The following POGZ variants were observed in gnomAD, a reference collection of about 807,000 sequenced individuals.
The protein encoded by POGZ is pogo transposable element derived with ZNF domain.
A neutral mutation model predicts 134.6 loss-of-function variants in POGZ; 17 were observed. The ratio of observed to expected loss-of-function variants is 0.13; its 90% CI spans 0.09 to 0.19. The LOEUF is 0.19. Among genes scored for constraint, POGZ ranks in the 10% least tolerant of loss-of-function variants. The probability of loss-of-function intolerance (pLI) is 1.00; values close to 1 mark genes in which losing one functional copy is unlikely to be tolerated. For synonymous variants in POGZ, 693 were observed against 657.1 expected (o/e 1.05, Z -0.84); for missense variants, 1,306 against 1,769.7 (o/e 0.74, Z 4.70).
chr1:151,431,834 A>G (rs1394252682), intron 3 of POGZ, among the ~76,000 whole-genome samples: 4 of 152,184 alleles, frequency 2.6e-5, no homozygotes, highest in Non-Finnish European at 4.4e-5. Context: ...GTATACTCAA[A>G]ACCAGATAGA....
Position 151,402,778 on chromosome 1 carries a change from A to G in POGZ, c.*2024T>C, listed in dbSNP as rs1652958771. ...AAACTGAATTATAAAAAACAAAACC[A>G]AAAAAAAATTTCCTTCTACTACTAA... On this transcript the variant is annotated 3_prime_UTR_variant, in exon 19 of 19. Transcript: ENST00000271715. 6.6e-6 allele frequency: 1 copy of G among 151,518 alleles called. No homozygotes were observed. The highest frequency in any genetic ancestry group is 1.5e-5 in the Non-Finnish European group (1 of 67,936). 9.4% of individuals were successfully genotyped at this position (151,518 alleles called of 1,614,324 possible).
At chr1:151,458,458 T>G (rs1663038089) in intron 1 of POGZ, among the ~76,000 whole-genome samples, 1 of 151,958 alleles carries the variant, frequency 6.6e-6, no homozygotes, top group African/African-American at 2.4e-5. Context: ...GATGTACTAT[T>G]AGACCAAGCA....
chr1:151,402,726 C>G lies in POGZ; in HGVS notation c.*2076G>C, dbSNP rs1479807919. The G allele has an allele frequency of 1.3e-5, 2 of 152,136 alleles. No homozygotes were observed. The highest frequency in any genetic ancestry group is 2.4e-5 in the African/African-American group (1 of 41,428). 9.4% of individuals were successfully genotyped at this position (152,136 alleles called of 1,614,324 possible). ...ACACATTCAGTCTCAACACAGGAAA[C>G]AGTCAATAAATACATGTTTATTGAT... On this transcript the variant is annotated 3_prime_UTR_variant, in exon 19 of 19. Coordinates refer to ENST00000271715, the MANE Select transcript of POGZ (RefSeq NM_015100.4).
rs900999005 is a variant in POGZ at position 151,404,670 on chromosome 1, G to A, written c.*132C>T. 9.9e-6 allele frequency: 14 copies of A among 1,412,684 alleles called. No individual in the cohort carries two copies. Among genetic ancestry groups the A allele is most frequent in the Admixed American group, 3.1e-5 (1 of 32,694 alleles). The allele number at this position is 1,412,684 out of a possible 1,614,324, so 87.5% of individuals were successfully genotyped here. On this transcript the variant is annotated 3_prime_UTR_variant, in exon 19 of 19. Coordinates refer to ENST00000271715, the MANE Select transcript of POGZ (RefSeq NM_015100.4). ...ACAGGGAAGTGTAAGTCAACTTCAG[G>A]GGGGAGTGGTGGTATAAAATTAAAA...
chr1:151,403,414 T>C lies in POGZ; in HGVS notation c.*1388A>G. ...TTATGTACATTTTAAAGACGAACCA[T>C]TTACAAGCTTGTGCAGTTTGCCTCC... is the stretch of plus-strand genomic sequence containing the variant. On this transcript the variant is annotated 3_prime_UTR_variant, in exon 19 of 19. Coordinates refer to ENST00000271715, the MANE Select transcript of POGZ (RefSeq NM_015100.4). The C allele has an allele frequency of 1.0e-6, 1 of 985,376 alleles. No homozygotes were observed. The highest frequency in any genetic ancestry group is 1.7e-5 in the African/African-American group (1 of 57,332). The allele number at this position is 985,376 out of a possible 1,614,324, so 61.0% of individuals were successfully genotyped here.
Position 151,406,920 on chromosome 1 carries a change from G to A in POGZ, c.2536C>T (p.Leu846=). 1.2e-6 allele frequency: 2 copies of A among 1,612,214 alleles called. No individual in the cohort carries two copies. Among genetic ancestry groups the A allele is most frequent in the South Asian group, 2.2e-5 (2 of 91,044 alleles). Reference sequence around the variant, plus strand: ...CTTCTCTCCTACTTACCCCGTGGCAGGATGCTGCTGGATCTGTGAGAGGGG... The same window carrying A: ...CTTCTCTCCTACTTACCCCGTGGCAAGATGCTGCTGGATCTGTGAGAGGGG... ...FNPSHRSSSI[L]PRGLTWIAHS... The change falls in exon 17 of 19, where the codon CTG becomes TTG. Residue 846 remains leucine, a synonymous_variant. Transcript: ENST00000271715.
intron 1 of POGZ, among the ~76,000 whole-genome samples, chr1:151,453,223 T>G (rs1405655671): frequency 6.6e-6 from 1 of 151,904 alleles, no homozygotes. Context: ...CCCAGCCTCT[T>G]TCTCCCTTTT....
At chr1:151,412,701 T>C (rs1042350109) in intron 10 of POGZ, among the ~76,000 whole-genome samples, 2 of 152,182 alleles carry the variant, frequency 1.3e-5, no homozygotes, top group Admixed American at 1.3e-4. Context: ...ACTGTTTCCC[T>C]TTTTCCTTTC....
chr1:151,441,552 A>G (rs543131146), intron 2 of POGZ, among the ~76,000 whole-genome samples: 1 of 152,194 alleles, frequency 6.6e-6, no homozygotes, highest in Non-Finnish European at 1.5e-5. Flanking sequence ...ACTACCACCC[A>G]TTTTCTGAAT....
At chr1:151,427,718 A>G in intron 7 of POGZ, 105 bp downstream of exon 7, 6 of 780,330 alleles carry the variant, frequency 7.7e-6, no homozygotes, top group Non-Finnish European at 1.0e-5. Flanking sequence ...CAGCAGCTGT[A>G]TTTTATTTTA....
intron 10 of POGZ, among the ~76,000 whole-genome samples, chr1:151,414,991 T>A (rs1342329516): frequency 6.6e-6 from 1 of 152,124 alleles, no homozygotes; most frequent in Admixed American, 6.5e-5. Flanking sequence ...ACCATCACCC[T>A]CCTTAACACC....
intron 1 of POGZ, among the ~76,000 whole-genome samples, chr1:151,452,674 G>A (rs1359048984): frequency 6.6e-6 from 1 of 151,926 alleles, no homozygotes. Context: ...GACCAGCCTG[G>A]CCAACACAGT....
At chr1:151,424,548 C>A (rs1222919852) in intron 8 of POGZ, 1 of 354,824 alleles carries the variant, frequency 2.8e-6, no homozygotes, top group Non-Finnish European at 5.0e-6. Context: ...GCTCTGAGCT[C>A]CCTGGCAAAG....
chr1:151,404,512 C>T lies in POGZ; in HGVS notation c.*290G>A. ...TTTCTTAATTTTGTCAGAAAAATAC[C>T]AAACACAGTGATTTAAATTTAAAAA... On this transcript the variant is annotated 3_prime_UTR_variant, in exon 19 of 19. Coordinates refer to ENST00000271715, the MANE Select transcript of POGZ (RefSeq NM_015100.4). 1 of 1,079,122 alleles carries T rather than the reference C, an allele frequency of 9.3e-7. No homozygotes were observed. Among genetic ancestry groups the T allele is most frequent in the Admixed American group, 4.8e-5 (1 of 20,626 alleles). The allele number at this position is 1,079,122 out of a possible 1,614,324, so 66.8% of individuals were successfully genotyped here. A position where few individuals can be genotyped will look rare whatever the true frequency, so the allele number is the denominator to read the frequency against.
intron 3 of POGZ, among the ~76,000 whole-genome samples, chr1:151,437,517 C>T (rs867111651): frequency 6.6e-6 from 1 of 152,080 alleles, no homozygotes; most frequent in Non-Finnish European, 1.5e-5. Context: ...GTTGAGAAGC[C>T]GTGGTGGGTG....
At chr1:151,427,251 C>T (rs543341744) in intron 7 of POGZ, 1 of 153,156 alleles carries the variant, frequency 6.5e-6, no homozygotes, top group East Asian at 1.9e-4. Flanking sequence ...TAAAACTTTT[C>T]GACACATGAA....
Position 151,442,921 on chromosome 1 carries a change from T to A in POGZ, c.-1-716A>T, listed in dbSNP as rs139122327. On this transcript the variant is annotated intron_variant, in intron 1 of 18. Coordinates refer to ENST00000271715, the MANE Select transcript of POGZ (RefSeq NM_015100.4). ...GCAGGCGCCTGTAATCCCAGCTACT[T>A]GGGAGGCTGAGGCAGGAGAATTGCT... 7.3e-3 allele frequency among the ~76,000 whole-genome samples: 1,111 copies of A among 151,604 alleles called. 12 individuals carry two copies. The highest frequency in any genetic ancestry group is 0.025 in the African/African-American group (1,040 of 41,280).
chr1:151,411,686 G>A lies in POGZ; in HGVS notation c.1865C>T (p.Pro622Leu). 1 of 1,613,632 alleles carries A rather than the reference G, an allele frequency of 6.2e-7. No individual in the cohort carries two copies. Among genetic ancestry groups the A allele is most frequent in the South Asian group, 1.1e-5 (1 of 91,056 alleles). The stretch of plus-strand genomic sequence containing the variant: ...ATTTTTGAAGACCTTCAGGCAATAA[G>A]GGCAGAGCAGATGCCGGGTATCCTC... ...IHEDTRHLLC[P>L]YCLKVFKNGN... is the part of the protein sequence containing the mutation. Residue 622 changes from proline to leucine, a missense_variant, in exon 12 of 19, where the codon CCT (proline) becomes CTT (leucine). By Grantham distance (98) the Pro-to-Leu change is moderately conservative. Around this residue, in one of 10 missense-constraint regions of POGZ, gnomAD observed 149 missense variants for 237.5 expected, o/e 0.63. Coordinates refer to ENST00000271715, the MANE Select transcript of POGZ (RefSeq NM_015100.4).
chr1:151,458,345 T>TC (rs886365581), intron 1 of POGZ, among the ~76,000 whole-genome samples: 3 of 151,678 alleles, frequency 2.0e-5, no homozygotes, highest in African/African-American at 7.3e-5. Flanking sequence ...AAATAAAGAT[T>TC]CCCCGCCTCA....
Sources: allele counts gnomAD v4.1 joint callset (sites outside exome capture counted in the v4.1 genomes callset), GRCh38; gene constraint gnomAD v4.1.1; regional missense constraint gnomAD v4.1.1; transcripts MANE v1.5; gene names NCBI Gene and HGNC (gene_info 2026-07-23, HGNC 2026-07-21).